Variants in GEMIN5 observed in about 807,000 individuals in gnomAD.
GEMIN5 encodes the protein gem-associated protein 5.
GEMIN5 carries 124 observed loss-of-function variants against 176.9 expected under a neutral mutation model. The ratio of observed to expected loss-of-function variants is 0.70; its 90% CI spans 0.61 to 0.81. The LOEUF (loss-of-function observed/expected upper bound fraction) is 0.81, where lower values mean the gene tolerates loss of function less well. Among genes scored for constraint, GEMIN5 ranks in the 40% least tolerant of loss-of-function variants. The probability of loss-of-function intolerance (pLI) is 0.00; values close to 1 mark genes in which losing one functional copy is unlikely to be tolerated. For missense variants in GEMIN5, 1,843 were observed against 1,814.6 expected, an observed-to-expected ratio of 1.02 and a Z score of -0.28; for synonymous variants, 673 against 665.2, an observed-to-expected ratio of 1.01 and a Z score of -0.18.
chr5:154,910,856 G>A (rs1582662239), intron 15 of GEMIN5, among the ~76,000 whole-genome samples: 2 of 152,050 alleles, frequency 1.3e-5, no homozygotes, highest in South Asian at 2.1e-4. Flanking sequence ...CCGCCAACAC[G>A]CCCGGGTAAT....
chr5:154,937,989 G>T lies in GEMIN5; in HGVS notation c.145C>A (p.Pro49Thr), dbSNP rs989096933. 7 of 1,574,454 alleles carry T rather than the reference G, an allele frequency of 4.4e-6. No homozygotes were observed. Among genetic ancestry groups the T allele is most frequent in the Non-Finnish European group, 6.0e-6 (7 of 1,162,666 alleles). ...TTACCTCGAAACGGGGGTGTCCCTG[G>T]ACTCTCGCCTGCGCCCGGGCCCACG... Reference protein sequence around the residue: ...VRVGPGAGESPGTPPFRVIGE... With the variant: ...VRVGPGAGESTGTPPFRVIGE... The change falls in exon 1 of 28, where the codon CCA (proline) becomes ACA (threonine). Residue 49 changes from proline (P) to threonine (T), a missense_variant. Pro to Thr is a conservative substitution (Grantham distance 38). Transcript: ENST00000285873.
intron 24 of GEMIN5, among the ~76,000 whole-genome samples, chr5:154,895,833 A>G (rs1763338767): frequency 6.6e-6 from 1 of 152,220 alleles, no homozygotes; most frequent in Non-Finnish European, 1.5e-5. Context: ...GGCTGCAGTG[A>G]GCCAAGATCA....
In GEMIN5 at chr5:154,931,403, C is replaced by G; in HGVS notation, c.781+55G>C. 1.0e-5 allele frequency: 16 copies of G among 1,537,368 alleles called. No homozygotes were observed. The South Asian group carries it at 1.9e-4, about 19-fold the overall frequency. On this transcript the variant is annotated intron_variant, in intron 5 of 27. Transcript: ENST00000285873. ...CTCAGGACAATAAGAACAGAAAACC[C>G]TCTACTTCCACCAGATCAACATAGG...
intron 11 of GEMIN5, among the ~76,000 whole-genome samples, chr5:154,918,397 C>T (rs1057040750): frequency 1.3e-5 from 2 of 152,190 alleles, no homozygotes; most frequent in African/African-American, 4.8e-5. Context: ...TCATTTCCCT[C>T]CCATATCTAT....
chr5:154,925,322 A>C (rs1214819855), intron 8 of GEMIN5, among the ~76,000 whole-genome samples: 1 of 152,146 alleles, frequency 6.6e-6, no homozygotes. Context: ...TAGGGTAGGA[A>C]AAAAATGTTT....
intron 22 of GEMIN5, 72 bp from the exon 23 acceptor site, chr5:154,898,722 C>T (rs1487414969): frequency 4.9e-6 from 6 of 1,225,692 alleles, no homozygotes; most frequent in Admixed American, 3.7e-5. Flanking sequence ...AGGATGGAAT[C>T]ATTTCTTTCT....
At chr5:154,916,030 A>G (rs1485387812) in intron 13 of GEMIN5, among the ~76,000 whole-genome samples, 2 of 152,114 alleles carry the variant, frequency 1.3e-5, no homozygotes, top group Non-Finnish European at 2.9e-5. Context: ...ATATAATGGA[A>G]TGAACAGGTA....
intron 18 of GEMIN5, 92 bp downstream of exon 18, chr5:154,904,415 T>C (rs1763527877): frequency 1.8e-6 from 2 of 1,114,070 alleles, no homozygotes; most frequent in South Asian, 2.7e-5. Flanking sequence ...ATTTAGACAT[T>C]TCTTTGGGCA....
At position 154,925,932 on chromosome 5, in the gene GEMIN5, T is replaced by C. The variant is rs766610451; in HGVS notation, c.1223A>G (p.Asn408Ser). 1.9e-5 allele frequency: 31 copies of C among 1,613,608 alleles called. 1 individual carries two copies. In the Admixed American group the frequency reaches 2.3e-4, roughly 12 times the overall value. Residue 408 changes from asparagine to serine, a missense_variant, in exon 8 of 28, where the codon AAT becomes AGT. Physicochemically the swap from Asn to Ser is conservative, Grantham distance 46. Coordinates refer to ENST00000285873, the MANE Select transcript of GEMIN5 (RefSeq NM_015465.5). ...ATAGTTGTTCTTTATGGAGAGTGTA[T>C]TCCATACACGGATCATGCCATCCCC... ...GVGDGMIRVW[N>S]TLSIKNNYDV... is the part of the protein sequence containing the mutation.
At chr5:154,923,377 T>A (rs139179892) in intron 9 of GEMIN5, among the ~76,000 whole-genome samples, 109 of 150,338 alleles carry the variant, frequency 7.3e-4, no homozygotes, top group African/African-American at 2.2e-3. Flanking sequence ...CGAAACTCTG[T>A]CTCCAAAAAA....
intron 9 of GEMIN5, 55 bp from the exon 10 acceptor site, chr5:154,921,480 G>A: frequency 1.3e-6 from 1 of 777,902 alleles, no homozygotes; most frequent in Non-Finnish European, 2.2e-6. Context: ...AAGGCATAAT[G>A]AAAAACAGAC....
In GEMIN5 at chr5:154,925,946, C is replaced by G. The variant is rs1462808467; in HGVS notation, c.1209G>C (p.Met403Ile). The change falls in exon 8 of 28, where the codon ATG becomes ATC. Residue 403 changes from methionine (M) to isoleucine (I), a missense_variant. Coordinates refer to ENST00000285873, the MANE Select transcript of GEMIN5 (RefSeq NM_015465.5). The part of the protein sequence containing the change: ...GSLAIGVGDG[M>I]IRVWNTLSIK... ...TGGAGAGTGTATTCCATACACGGAT[C>G]ATGCCATCCCCAACACCTATGGCCA... The G allele has an allele frequency of 6.2e-7, 1 of 1,613,426 alleles. No homozygotes were observed. Among genetic ancestry groups the G allele is most frequent in the East Asian group, 2.2e-5 (1 of 44,882 alleles).
rs780667532 is a variant in GEMIN5, at chr5:154,938,017, GA to G, written c.116del (p.Val39AlafsTer19). The G allele has an allele frequency of 3.2e-6, 5 of 1,567,074 alleles. No individual in the cohort carries two copies. The Admixed American group carries it at 9.3e-5, about 29-fold the overall frequency. ...TCTCGCCTGCGCCCGGGCCCACGCG[GA>G]CAAGGAAGACGGAGGTCCGCGCGGC... ...GFAARTSVFL[V>X]RVGPGAGESP... is the part of the protein sequence containing the mutation. On this transcript the variant is annotated frameshift_variant, in exon 1 of 28. Coordinates refer to ENST00000285873, the MANE Select transcript of GEMIN5 (RefSeq NM_015465.5). LOFTEE classifies it high-confidence loss of function.
rs764080917 is a variant in GEMIN5, at chr5:154,916,988, C to A, written c.1855+10G>T. 11 of 1,519,434 alleles carry A rather than the reference C, an allele frequency of 7.2e-6. No individual in the cohort carries two copies. The highest frequency in any genetic ancestry group is 1.8e-4 in the Middle Eastern group (1 of 5,712). 94.1% of individuals were successfully genotyped at this position (1,519,434 alleles called of 1,614,324 possible). On this transcript the variant is annotated intron_variant, in intron 13 of 27. Coordinates refer to ENST00000285873, the MANE Select transcript of GEMIN5 (RefSeq NM_015465.5). ...GATATCATCCCCAGTATGAAAGAAA[C>A]CAAAGTTACCTATGACAGTCTTCAG...
chr5:154,925,799 G>A lies in GEMIN5; in HGVS notation c.1293+63C>T, dbSNP rs943016749. ...CAACAGAGCGCATTTAAATGAACAG[G>A]CATAAAAGAGAATTATTTGGAAAAA... On this transcript the variant is annotated intron_variant, in intron 8 of 27. Transcript: ENST00000285873. 4 of 872,908 alleles carry A rather than the reference G, an allele frequency of 4.6e-6. No homozygotes were observed. The African/African-American group carries it at 6.7e-5, about 15-fold the overall frequency. 54.1% of individuals were successfully genotyped at this position (872,908 alleles called of 1,614,324 possible).
chr5:154,934,942 C>CA (rs1764238046), intron 3 of GEMIN5, among the ~76,000 whole-genome samples: 1 of 152,174 alleles, frequency 6.6e-6, no homozygotes, highest in Non-Finnish European at 1.5e-5. Flanking sequence ...CAGAATAGAA[C>CA]ACCTTTTTCT....
intron 18 of GEMIN5, 92 bp from the exon 19 acceptor site, chr5:154,903,267 C>T: frequency 1.2e-6 from 1 of 811,744 alleles, no homozygotes; most frequent in South Asian, 1.5e-5. Context: ...GTTTGGAACA[C>T]CCACTTCAGA....
chr5:154,891,543 A>T lies in GEMIN5; in HGVS notation c.3960T>A (p.Thr1320=). ...CAGGGTCCGTTTCTTCAGTGCTGGC[A>T]GTGTCTAACTGCTGGCTTGGCTCAA... is the stretch of plus-strand genomic sequence containing the variant. ...LSVEPSQQLD[T]ASTEETDPET... Residue 1320 remains threonine (T), a synonymous_variant, in exon 26 of 28, where the codon ACT becomes ACA. Coordinates refer to ENST00000285873, the MANE Select transcript of GEMIN5 (RefSeq NM_015465.5). 6.2e-7 allele frequency: 1 copy of T among 1,614,170 alleles called. No homozygotes were observed. The highest frequency in any genetic ancestry group is 8.5e-7 in the Non-Finnish European group (1 of 1,180,028).
intron 11 of GEMIN5, among the ~76,000 whole-genome samples, chr5:154,919,578 T>G (rs183065048): frequency 1.2e-4 from 18 of 152,374 alleles, no homozygotes; most frequent in Non-Finnish European, 2.1e-4. Context: ...CAGTTGCATT[T>G]GGATACTATA....
Sources: allele counts gnomAD v4.1 joint callset (sites outside exome capture counted in the v4.1 genomes callset), GRCh38; gene constraint gnomAD v4.1.1; transcripts MANE v1.5; gene names NCBI Gene and HGNC (gene_info 2026-07-23, HGNC 2026-07-21).